DOCK4: variants seen among roughly 807,000 people sequenced by gnomAD.
DOCK4 encodes dedicator of cytokinesis protein 4.
In DOCK4, 97 loss-of-function variants were observed where a neutral mutation model predicts 268.1. The ratio of observed to expected loss-of-function variants is 0.36; its 90% confidence interval spans 0.31 to 0.43. The LOEUF is 0.43. DOCK4 is among the 20% of genes least tolerant of loss of function. The pLI, the probability that DOCK4 is intolerant of heterozygous loss-of-function variation, is 1.00. For synonymous variants in DOCK4, 954 were observed against 887.2 expected (o/e 1.08, Z -1.34); for missense variants, 2,145 against 2,455.7 (o/e 0.87, Z 2.67).
intron 28 of DOCK4, among the ~76,000 whole-genome samples, chr7:111,810,269 T>C (rs1801001035): frequency 6.6e-6 from 1 of 151,812 alleles, no homozygotes; most frequent in South Asian, 2.1e-4. Context: ...CTGGCCAATA[T>C]GGTGAAACCC....
chr7:111,772,613 T>C (rs542020910), intron 36 of DOCK4, among the ~76,000 whole-genome samples: 1 of 152,044 alleles, frequency 6.6e-6, no homozygotes, highest in East Asian at 1.9e-4. Context: ...CTGGCTGACA[T>C]AGTGAAACCC....
At chr7:112,106,491 C>G (rs768024766) in intron 1 of DOCK4, among the ~76,000 whole-genome samples, 18 of 151,180 alleles carry the variant, frequency 1.2e-4, no homozygotes, top group Non-Finnish European at 2.5e-4. Flanking sequence ...GACATTTAGA[C>G]ATGTATTTGA....
At chr7:111,986,457 T>A (rs889853485) in intron 6 of DOCK4, among the ~76,000 whole-genome samples, 1 of 152,202 alleles carries the variant, frequency 6.6e-6, no homozygotes, top group Non-Finnish European at 1.5e-5. Flanking sequence ...CCTAGGTACA[T>A]CTTCCCATGG....
At chr7:111,998,377 G>A (rs1279121958) in intron 4 of DOCK4, 71 bp downstream of exon 4, 2 of 1,187,842 alleles carry the variant, frequency 1.7e-6, no homozygotes, top group African/African-American at 1.6e-5. Context: ...CAATTACTAT[G>A]CCTTTCAAAT....
chr7:112,204,721 C>A (rs1167069291), intron 1 of DOCK4, among the ~76,000 whole-genome samples: 1 of 152,016 alleles, frequency 6.6e-6, no homozygotes, highest in African/African-American at 2.4e-5. Flanking sequence ...CCCCAAAGTC[C>A]TATCCCCAGG....
intron 42 of DOCK4, 86 bp from the exon 43 acceptor site, chr7:111,747,529 CT>C: frequency 7.6e-7 from 1 of 1,323,582 alleles, no homozygotes; most frequent in Non-Finnish European, 1.0e-6. Context: ...TCTGAATTAT[CT>C]GTGCTCCCCC....
chr7:111,797,250 G>A (rs1417063730), intron 30 of DOCK4, among the ~76,000 whole-genome samples: 1 of 152,064 alleles, frequency 6.6e-6, no homozygotes, highest in African/African-American at 2.4e-5. Context: ...GACAGAGCCA[G>A]GGAAAAAGTT....
At chr7:112,141,262 T>C (rs1393580564) in intron 1 of DOCK4, among the ~76,000 whole-genome samples, 1 of 152,150 alleles carries the variant, frequency 6.6e-6, no homozygotes, top group Non-Finnish European at 1.5e-5. Flanking sequence ...GACAGAAAAG[T>C]GTACAGTTGC....
chr7:111,859,850 A>G (rs1197670440), intron 23 of DOCK4, among the ~76,000 whole-genome samples: 2 of 152,124 alleles, frequency 1.3e-5, no homozygotes, highest in African/African-American at 4.8e-5. Context: ...TACAGGCGTG[A>G]GCCACCGCGC....
intron 16 of DOCK4, among the ~76,000 whole-genome samples, chr7:111,886,530 G>GATTAGAAGACTACAGCAGTAATTCA (rs1807858271): frequency 6.6e-6 from 1 of 152,096 alleles, no homozygotes. Context: ...TTATCGAAAA[G>GATTAGAAGACTACAGCAGTAATTCA]GATGGTCTTT....
intron 1 of DOCK4, among the ~76,000 whole-genome samples, chr7:112,085,602 T>C (rs1159855898): frequency 2.0e-5 from 3 of 152,132 alleles, no homozygotes; most frequent in Admixed American, 6.6e-5. Context: ...AAGTTCTTTA[T>C]GGAAGAATTC....
chr7:111,753,095 G>T lies in DOCK4; in HGVS notation c.4416+2420C>A, dbSNP rs138151625. Among the ~76,000 whole-genome samples, 5 of 150,518 alleles carry T rather than the reference G, an allele frequency of 3.3e-5. No homozygotes were observed. The East Asian group carries it at 9.8e-4, about 30-fold the overall frequency. On this transcript the variant is annotated intron_variant, in intron 42 of 52. Transcript: ENST00000428084. The stretch of plus-strand genomic sequence containing the variant: ...ATGTTTCAGAATGAAGAACTTTTCA[G>T]ATTTTAGAAAGGCAGTATAGGGCCA...
At position 111,736,524 on chromosome 7, in the gene DOCK4, G is replaced by A. The variant is rs41281054; in HGVS notation, c.5305+393C>T. ...AGTCACAACAAACAACACATGAGTT[G>A]GCTGAATGAGCTTTGTAAGGGAGAC... is the stretch of plus-strand genomic sequence containing the variant. On this transcript the variant is annotated intron_variant, in intron 50 of 52. Coordinates refer to ENST00000428084, the MANE Select transcript of DOCK4 (RefSeq NM_001363540.2). 2.8e-3 allele frequency among the ~76,000 whole-genome samples: 425 copies of A among 152,256 alleles called. 2 individuals are homozygous for A. The highest frequency in any genetic ancestry group is 4.0e-3 in the Non-Finnish European group (270 of 68,022).
intron 12 of DOCK4, among the ~76,000 whole-genome samples, chr7:111,934,013 T>C (rs1054491111): frequency 6.6e-6 from 1 of 152,178 alleles, no homozygotes; most frequent in Non-Finnish European, 1.5e-5. Context: ...AAATTCTGGT[T>C]CTCCTAATTG....
chr7:112,197,584 T>C (rs759674013), intron 1 of DOCK4, among the ~76,000 whole-genome samples: 2 of 152,206 alleles, frequency 1.3e-5, no homozygotes, highest in Admixed American at 6.5e-5. Flanking sequence ...CTGTAAAATG[T>C]AGTTTACGAC....
In DOCK4 at chr7:111,790,351, G is replaced by A. The variant is rs775676512; in HGVS notation, c.3315+106C>T. The stretch of plus-strand genomic sequence containing the variant: ...ATAGGCCAGGCTGGAATCTAGGTCT[G>A]CTGACCCAGTGTTCATTTCCCAAGT... On this transcript the variant is annotated intron_variant, in intron 31 of 52. Transcript: ENST00000428084. 2.9e-6 allele frequency: 4 copies of A among 1,377,232 alleles called. No homozygotes were observed. The Admixed American group carries it at 6.3e-5, about 22-fold the overall frequency. 85.3% of individuals were successfully genotyped at this position (1,377,232 alleles called of 1,614,324 possible). A position where few individuals can be genotyped will look rare whatever the true frequency, so the allele number is the denominator to read the frequency against.
intron 1 of DOCK4, among the ~76,000 whole-genome samples, chr7:112,076,680 T>G (rs7802825): frequency 0.056 from 8,525 of 152,028 alleles, 771 homozygotes; most frequent in African/African-American, 0.19. Flanking sequence ...CTAAATTCCA[T>G]ATAAAGTGTG....
At chr7:111,984,491 A>C (rs1586572876) in intron 6 of DOCK4, 101 bp from the exon 7 acceptor site, 2 of 933,454 alleles carry the variant, frequency 2.1e-6, no homozygotes, top group Non-Finnish European at 3.3e-6. Context: ...TAGGTATATC[A>C]CCCACCATGC....
chr7:112,188,607 A>G (rs981202754), intron 1 of DOCK4, among the ~76,000 whole-genome samples: 3 of 152,220 alleles, frequency 2.0e-5, no homozygotes, highest in Non-Finnish European at 4.4e-5. Flanking sequence ...CAATAATTCC[A>G]TGACAATTCA....
Sources: allele counts gnomAD v4.1 joint callset (sites outside exome capture counted in the v4.1 genomes callset), GRCh38; gene constraint gnomAD v4.1.1; transcripts MANE v1.5; gene names NCBI Gene and HGNC (gene_info 2026-07-23, HGNC 2026-07-21).